ULK4: variants seen among roughly 807,000 people sequenced by gnomAD.
The protein encoded by ULK4 is inactive serine/threonine-protein kinase ULK4.
In ULK4, 133 loss-of-function variants were observed where a neutral mutation model predicts 160.6. The ratio of observed to expected loss-of-function variants is 0.83; its 90% confidence interval spans 0.72 to 0.96. The LOEUF (loss-of-function observed/expected upper bound fraction) is 0.96. ULK4 is among the 40% of genes least tolerant of loss of function. The probability of loss-of-function intolerance (pLI) is 0.00; values close to 1 mark genes in which losing one functional copy is unlikely to be tolerated. For missense variants in ULK4, 1,580 were observed against 1,499.5 expected, an observed-to-expected ratio of 1.05 and a Z score of -0.89; for synonymous variants, 534 against 539.8, an observed-to-expected ratio of 0.99 and a Z score of 0.15.
At chr3:41,823,983 C>T (rs1431147645) in intron 18 of ULK4, among the ~76,000 whole-genome samples, 7 of 151,862 alleles carry the variant, frequency 4.6e-5, no homozygotes, top group African/African-American at 7.3e-5. Flanking sequence ...GCCAATGTGG[C>T]GAAACACCAT....
At chr3:41,744,478 G>C (rs780374778) in intron 22 of ULK4, among the ~76,000 whole-genome samples, 35 of 151,890 alleles carry the variant, frequency 2.3e-4, no homozygotes, top group Non-Finnish European at 4.9e-4. Context: ...TATGATAAAA[G>C]CATCTGTACA....
intron 34 of ULK4, among the ~76,000 whole-genome samples, chr3:41,441,014 C>T (rs944626719): frequency 6.6e-6 from 1 of 151,994 alleles, no homozygotes; most frequent in East Asian, 1.9e-4. Flanking sequence ...ATTCCTGATA[C>T]AGGCAAGTAG....
intron 31 of ULK4, among the ~76,000 whole-genome samples, chr3:41,579,735 G>A (rs1443593173): frequency 6.6e-5 from 10 of 151,812 alleles, no homozygotes; most frequent in South Asian, 2.1e-4. Flanking sequence ...CTCGTGATCC[G>A]CCCGTCTCGG....
chr3:41,260,312 G>A (rs996448761), intron 35 of ULK4, among the ~76,000 whole-genome samples: 2 of 152,126 alleles, frequency 1.3e-5, no homozygotes, highest in African/African-American at 4.8e-5. Context: ...TGTGCATTCT[G>A]GGTCCTTCCA....
intron 18 of ULK4, among the ~76,000 whole-genome samples, chr3:41,827,490 A>G (rs1321647546): frequency 2.6e-5 from 4 of 152,176 alleles, no homozygotes; most frequent in Admixed American, 6.5e-5. Context: ...CCACAGAAAT[A>G]CAAACTACCA....
At chr3:41,575,977 C>T (rs1433033097) in intron 31 of ULK4, among the ~76,000 whole-genome samples, 1 of 152,204 alleles carries the variant, frequency 6.6e-6, no homozygotes, top group Non-Finnish European at 1.5e-5. Context: ...CAAAGGGAAG[C>T]TGCCAGGAGC....
chr3:41,531,469 GGGAGA>G (rs1292459916), intron 32 of ULK4, among the ~76,000 whole-genome samples: 157 of 13,890 alleles, frequency 0.011, no homozygotes, highest in South Asian at 0.041. Flanking sequence ...GGGAGGGGAG[GGGAGA>G]GGAGGGGAGA....
At chr3:41,553,572 T>A (rs1270244769) in intron 32 of ULK4, among the ~76,000 whole-genome samples, 1 of 152,120 alleles carries the variant, frequency 6.6e-6, no homozygotes, top group Non-Finnish European at 1.5e-5. Flanking sequence ...AGAATGGCTA[T>A]TACCAAAAGG....
chr3:41,714,803 G>C (rs1286271668), intron 25 of ULK4, among the ~76,000 whole-genome samples: 2 of 145,206 alleles, frequency 1.4e-5, no homozygotes, highest in Non-Finnish European at 3.0e-5. Context: ...AGTGAGCCAA[G>C]ATCGCACCAC....
intron 27 of ULK4, among the ~76,000 whole-genome samples, chr3:41,697,860 T>G (rs1278651390): frequency 6.6e-6 from 1 of 152,158 alleles, no homozygotes; most frequent in African/African-American, 2.4e-5. Flanking sequence ...TAGTGTATAG[T>G]AATGTCCTAG....
intron 31 of ULK4, among the ~76,000 whole-genome samples, chr3:41,594,881 GA>G (rs962130022): frequency 6.6e-5 from 10 of 152,198 alleles, no homozygotes; most frequent in African/African-American, 2.2e-4. Flanking sequence ...GAGAGTAATG[GA>G]GATGGAGAAA....
chr3:41,876,155 G>GA (rs1447922630), intron 17 of ULK4, among the ~76,000 whole-genome samples: 1 of 143,040 alleles, frequency 7.0e-6, no homozygotes, highest in African/African-American at 2.9e-5. Flanking sequence ...AATGTGGCAA[G>GA]AAAAAATAGA....
chr3:41,794,851 T>C (rs750366894), intron 20 of ULK4, among the ~76,000 whole-genome samples: 4 of 150,912 alleles, frequency 2.7e-5, no homozygotes, highest in Non-Finnish European at 5.9e-5. Flanking sequence ...GCAGAGAACA[T>C]CCAGGCACAG....
At chr3:41,961,550 A>ACCCCCCCTCCCCCCCCC (rs1700669869) in intron 1 of ULK4, among the ~76,000 whole-genome samples, 4 of 124,690 alleles carry the variant, frequency 3.2e-5, no homozygotes, top group South Asian at 2.4e-4. Context: ...GTAGTCACTC[A>ACCCCCCCTCCCCCCCCC]CCCCCCCCCC....
intron 31 of ULK4, among the ~76,000 whole-genome samples, chr3:41,588,352 T>C (rs1304181319): frequency 1.3e-5 from 2 of 152,230 alleles, no homozygotes; most frequent in East Asian, 3.8e-4. Context: ...TTTTTCAAAA[T>C]TACATTCAAT....
chr3:41,938,117 T>C lies in ULK4; in HGVS notation c.219A>G (p.Leu73=), dbSNP rs1164131694. 1 of 1,612,400 alleles carries C rather than the reference T, an allele frequency of 6.2e-7. No homozygotes were observed. Among genetic ancestry groups the C allele is most frequent in the Non-Finnish European group, 8.5e-7 (1 of 1,179,114 alleles). Residue 73 remains leucine, a synonymous_variant, in exon 3 of 37, where the codon CTA becomes CTG. Coordinates refer to ENST00000301831, the MANE Select transcript of ULK4 (RefSeq NM_017886.4). ...TCTTACCTGTGCAGAGTTCCACCACTAGCCAGAGGTGGTTGCTTGTTTCAT... is the reference window on the plus strand; with the variant it reads ...TCTTACCTGTGCAGAGTTCCACCACCAGCCAGAGGTGGTTGCTTGTTTCAT... ...EWYETSNHLW[L]VVELCTGGSL... is the part of the protein sequence containing the mutation.
At position 41,428,613 on chromosome 3, in the gene ULK4, C is replaced by T. The variant is rs370258679; in HGVS notation, c.3492+26884G>A. Among the ~76,000 whole-genome samples, 40 of 152,188 alleles carry T rather than the reference C, an allele frequency of 2.6e-4. No homozygotes were observed. In the South Asian group the frequency reaches 7.9e-3, roughly 30 times the overall value. ...TAGAATAGAGATCTCAGAAATGAGA[C>T]CACACATCTACAATCATCTGATCTT... On this transcript the variant is annotated intron_variant, in intron 34 of 36. Transcript: ENST00000301831.
chr3:41,542,148 T>A (rs1305627382), intron 32 of ULK4, among the ~76,000 whole-genome samples: 1 of 152,164 alleles, frequency 6.6e-6, no homozygotes, highest in Non-Finnish European at 1.5e-5. Context: ...ATATTGGCTG[T>A]GGGTTTGTCA....
At chr3:41,741,620 G>C (rs1429285804) in intron 22 of ULK4, among the ~76,000 whole-genome samples, 2 of 151,938 alleles carry the variant, frequency 1.3e-5, no homozygotes, top group African/African-American at 2.4e-5. Flanking sequence ...TCAAAGCAAT[G>C]TGTATTGTTA....
Sources: allele counts gnomAD v4.1 joint callset (sites outside exome capture counted in the v4.1 genomes callset), GRCh38; gene constraint gnomAD v4.1.1; transcripts MANE v1.5; gene names NCBI Gene and HGNC (gene_info 2026-07-23, HGNC 2026-07-21).